Variants in FER observed in about 807,000 individuals in gnomAD.
FER encodes the protein tyrosine-protein kinase Fer.
FER carries 63 observed loss-of-function variants against 111.0 expected under a neutral mutation model. The ratio of observed to expected loss-of-function variants is 0.57; its 90% CI spans 0.46 to 0.70. The LOEUF (loss-of-function observed/expected upper bound fraction) is 0.70, where lower values mean the gene tolerates loss of function less well. Ranked by LOEUF, FER falls within the 30% of genes least tolerant of loss-of-function variation. The pLI is 0.00. For missense variants in FER, 914 were observed against 954.0 expected (o/e 0.96, Z 0.55); for synonymous variants, 327 against 313.9 (o/e 1.04, Z -0.44).
chr5:108,759,282 G>C (rs756956919), intron 1 of FER, among the ~76,000 whole-genome samples: 2 of 152,196 alleles, frequency 1.3e-5, no homozygotes, highest in Non-Finnish European at 2.9e-5. Context: ...AACAAGGATG[G>C]CCTTTCCCCC....
At chr5:108,980,334 C>A (rs1325681424) in intron 13 of FER, among the ~76,000 whole-genome samples, 1 of 151,884 alleles carries the variant, frequency 6.6e-6, no homozygotes, top group Non-Finnish European at 1.5e-5. Flanking sequence ...GGTCTAAAAT[C>A]TTAGAAAAAG....
Position 109,140,278 on chromosome 5 carries a change from TAAAG to T in FER, c.2048+39763_2048+39766del, listed in dbSNP as rs1193690128. Among the ~76,000 whole-genome samples the T allele has an allele frequency of 5.3e-5, 8 of 152,210 alleles. No homozygotes were observed. The East Asian group carries it at 1.2e-3, about 22-fold the overall frequency. ...ACTAAAATCATATCTAAAATACAAA[TAAAG>T]AAACAGTACAAAACATATCCTTTCT... On this transcript the variant is annotated intron_variant, in intron 17 of 19. Transcript: ENST00000281092.
chr5:109,085,210 G>A (rs1327115707), intron 16 of FER, among the ~76,000 whole-genome samples: 2 of 151,726 alleles, frequency 1.3e-5, no homozygotes, highest in African/African-American at 4.8e-5. Context: ...TTGATACATT[G>A]TTCCATTTAT....
chr5:109,084,794 A>C (rs193042106), intron 16 of FER, among the ~76,000 whole-genome samples: 1 of 152,040 alleles, frequency 6.6e-6, no homozygotes, highest in East Asian at 1.9e-4. Flanking sequence ...GGGGGTTGAA[A>C]TTATATTTTC....
At chr5:109,101,764 C>A (rs979432457) in intron 17 of FER, among the ~76,000 whole-genome samples, 1 of 152,180 alleles carries the variant, frequency 6.6e-6, no homozygotes, top group East Asian at 1.9e-4. Flanking sequence ...AATTGTACTA[C>A]CATTAATTTC....
chr5:108,889,257 T>G (rs1413335582), intron 9 of FER, among the ~76,000 whole-genome samples: 2 of 151,778 alleles, frequency 1.3e-5, no homozygotes, highest in East Asian at 3.9e-4. Flanking sequence ...ATATTTACAC[T>G]CCCATGTTTA....
intron 10 of FER, among the ~76,000 whole-genome samples, chr5:108,909,796 A>G (rs1401373164): frequency 1.3e-5 from 2 of 150,340 alleles, no homozygotes; most frequent in African/African-American, 4.9e-5. Flanking sequence ...TGTATCATAT[A>G]TATACTTATA....
intron 16 of FER, among the ~76,000 whole-genome samples, chr5:109,065,834 A>G (rs1775024643): frequency 6.6e-6 from 1 of 152,218 alleles, no homozygotes; most frequent in Non-Finnish European, 1.5e-5. Context: ...GTACCTGTTT[A>G]TAAGTGTGTA....
chr5:108,900,036 T>C (rs532894887), intron 10 of FER, among the ~76,000 whole-genome samples: 5 of 152,348 alleles, frequency 3.3e-5, no homozygotes, highest in Non-Finnish European at 7.3e-5. Flanking sequence ...TTTATCAAAT[T>C]TATTTTAAAT....
At chr5:108,803,554 C>T (rs1030129030) in intron 3 of FER, among the ~76,000 whole-genome samples, 1 of 152,062 alleles carries the variant, frequency 6.6e-6, no homozygotes, top group Non-Finnish European at 1.5e-5. Flanking sequence ...GCATATAAAG[C>T]TAGCCAGCTA....
intron 13 of FER, among the ~76,000 whole-genome samples, chr5:108,977,827 T>G (rs1327422483): frequency 6.6e-6 from 1 of 152,140 alleles, no homozygotes; most frequent in Non-Finnish European, 1.5e-5. Context: ...CAGACACTTG[T>G]GAAGCGACTC....
chr5:108,948,625 A>T (rs894612382), intron 11 of FER, among the ~76,000 whole-genome samples: 1 of 152,104 alleles, frequency 6.6e-6, no homozygotes, highest in Admixed American at 6.6e-5. Context: ...ACTGGCAATC[A>T]TGAGGGTCCA....
At chr5:109,060,743 GTGTGTGCGTA>G (rs1309611755) in intron 16 of FER, among the ~76,000 whole-genome samples, 1 of 147,472 alleles carries the variant, frequency 6.8e-6, no homozygotes, top group East Asian at 2.0e-4. Context: ...GTGATTGTGT[GTGTGTGCGTA>G]TGTGTGGTGT....
intron 16 of FER, among the ~76,000 whole-genome samples, chr5:109,071,592 T>C (rs72792518): frequency 0.083 from 12,643 of 152,040 alleles, 638 homozygotes; most frequent in Middle Eastern, 0.18. Flanking sequence ...TTTTAAGATA[T>C]AGTGTTCCCA....
intron 6 of FER, among the ~76,000 whole-genome samples, chr5:108,868,949 T>G (rs930692986): frequency 6.6e-6 from 1 of 152,132 alleles, no homozygotes; most frequent in African/African-American, 2.4e-5. Context: ...ATTACATCAA[T>G]TAACCCATTT....
chr5:108,882,236 C>T (rs1016447679), intron 8 of FER, among the ~76,000 whole-genome samples: 3 of 151,620 alleles, frequency 2.0e-5, no homozygotes, highest in African/African-American at 7.3e-5. Context: ...CAAGATGACC[C>T]CTGAAAAATC....
intron 5 of FER, among the ~76,000 whole-genome samples, chr5:108,837,890 T>A (rs554607560): frequency 1.3e-4 from 20 of 151,976 alleles, no homozygotes; most frequent in African/African-American, 4.6e-4. Context: ...AATCTTTTTT[T>A]AAAAATTATA....
At position 109,060,787 on chromosome 5, in the gene FER, T is replaced by TACAC. The variant is rs1554128981; in HGVS notation, c.1924+13592_1924+13595dup. Among the ~76,000 whole-genome samples, 12 of 149,810 alleles carry TACAC rather than the reference T, an allele frequency of 8.0e-5. No homozygotes were observed. In the South Asian group the frequency reaches 1.1e-3, roughly 13 times the overall value. ...GTGTGTGTGTGTATATATATATATATACACACCAAACACACATATGTAAAC... is the reference window on the plus strand; with the variant it reads ...GTGTGTGTGTGTATATATATATATATACACACACACCAAACACACATATGTAAAC... On this transcript the variant is annotated intron_variant, in intron 16 of 19. Coordinates refer to ENST00000281092, the MANE Select transcript of FER (RefSeq NM_005246.4).
At chr5:109,150,412 C>T (rs1196020542) in intron 17 of FER, among the ~76,000 whole-genome samples, 1 of 152,142 alleles carries the variant, frequency 6.6e-6, no homozygotes, top group South Asian at 2.1e-4. Context: ...TTTTCCTTAG[C>T]AAGCCCCATT....
Sources: gnomAD v4.1 joint callset for allele counts (sites outside exome capture counted in the v4.1 genomes callset) on GRCh38, gnomAD v4.1.1 for gene constraint, MANE v1.5 for transcripts, NCBI Gene and HGNC (gene_info 2026-07-23, HGNC 2026-07-21) for gene names.